The following GPATCH8 variants were observed in gnomAD, a reference collection of about 807,000 sequenced individuals.
GPATCH8 encodes the protein G-patch domain containing 8.
GPATCH8 carries 18 observed loss-of-function variants against 118.3 expected under a neutral mutation model. The observed-to-expected ratio is 0.15, with a 90% CI of 0.11 to 0.23. The LOEUF is 0.23. Among genes scored for constraint, GPATCH8 ranks in the 10% least tolerant of loss-of-function variants. The probability of loss-of-function intolerance (pLI) is 1.00; values close to 1 mark genes in which losing one functional copy is unlikely to be tolerated. For missense variants in GPATCH8, 1,631 were observed against 1,873.8 expected, an observed-to-expected ratio of 0.87 and a Z score of 2.39; for synonymous variants, 659 against 684.7, an observed-to-expected ratio of 0.96 and a Z score of 0.59.
chr17:44,457,499 A>C (rs1228766731), intron 3 of GPATCH8, among the ~76,000 whole-genome samples: 2 of 152,352 alleles, frequency 1.3e-5, no homozygotes, highest in East Asian at 3.9e-4. Context: ...AACAAGCAAA[A>C]CTTTGAAAAA....
chr17:44,450,492 T>C (rs2051072895), intron 3 of GPATCH8, among the ~76,000 whole-genome samples: 1 of 152,170 alleles, frequency 6.6e-6, no homozygotes, highest in Non-Finnish European at 1.5e-5. Context: ...AAATGGGATT[T>C]ACAAGAAAAC....
At chr17:44,438,768 G>A (rs2050594520) in intron 3 of GPATCH8, 1 of 152,538 alleles carries the variant, frequency 6.6e-6, no homozygotes, top group African/African-American at 2.4e-5. Context: ...GTAGGAAACA[G>A]GCCTTCTAGC....
At chr17:44,436,426 GTAT>G in intron 4 of GPATCH8, 49 bp downstream of exon 4, 3 of 819,532 alleles carry the variant, frequency 3.7e-6, no homozygotes, top group Admixed American at 3.4e-5. Flanking sequence ...TTTGGAATTA[GTAT>G]TATTTCAAAA....
At chr17:44,471,224 T>C (rs1282441051) in intron 2 of GPATCH8, among the ~76,000 whole-genome samples, 1 of 152,230 alleles carries the variant, frequency 6.6e-6, no homozygotes, top group Non-Finnish European at 1.5e-5. Flanking sequence ...GCTTTACAAA[T>C]ACTGGATTTT....
chr17:44,449,922 C>A (rs2051053726), intron 3 of GPATCH8, among the ~76,000 whole-genome samples: 1 of 152,216 alleles, frequency 6.6e-6, no homozygotes, highest in African/African-American at 2.4e-5. Flanking sequence ...GTAAAGGTAG[C>A]TCCTATCCTT....
At chr17:44,475,039 T>C (rs1967628737) in intron 1 of GPATCH8, 136 bp from the exon 2 acceptor site, 1 of 656,802 alleles carries the variant, frequency 1.5e-6, no homozygotes, top group African/African-American at 1.8e-5. Context: ...TCGTTCATTT[T>C]CAGTACACAA....
At position 44,397,831 on chromosome 17, in the gene GPATCH8, T is replaced by C; in HGVS notation, c.4246A>G (p.Ile1416Val). 2 of 1,587,200 alleles carry C rather than the reference T, an allele frequency of 1.3e-6. No individual in the cohort carries two copies. The highest frequency in any genetic ancestry group is 8.6e-7 in the Non-Finnish European group (1 of 1,164,106). ...HHIPQPHLTP[I>V]SLSHLTHSII... ...GAGTGAGTGAGGTGGGACAAAGAAA[T>C]GGGGGTCAGATGGGGCTGGGGAATA... Residue 1416 changes from isoleucine (I) to valine (V), a missense_variant, in exon 8 of 8, where the codon ATT becomes GTT. Ile to Val is a conservative substitution (Grantham distance 29, BLOSUM62 3). Around this residue, in one of 8 missense-constraint regions of GPATCH8, gnomAD observed 111 missense variants for 112.4 expected, o/e 0.99. Transcript: ENST00000591680.
chr17:44,426,846 A>T (rs1336745002), intron 5 of GPATCH8, among the ~76,000 whole-genome samples: 8 of 145,752 alleles, frequency 5.5e-5, no homozygotes, highest in African/African-American at 1.8e-4. Flanking sequence ...ACACACACAC[A>T]CACTCTCTCT....
Position 44,442,156 on chromosome 17 carries a change from AAG to A in GPATCH8, c.194-5613_194-5612del, listed in dbSNP as rs555553118. On this transcript the variant is annotated intron_variant, in intron 3 of 7. Coordinates refer to ENST00000591680, the MANE Select transcript of GPATCH8 (RefSeq NM_001002909.4). ...AGAGAGAGAGAGAAGGAGAGAGAGA[AAG>A]AGAGTTTCTACTATATTCAAGGCAC... Among the ~76,000 whole-genome samples, 860 of 146,066 alleles carry A rather than the reference AAG, an allele frequency of 5.9e-3. 4 individuals carry two copies. Among genetic ancestry groups the A allele is most frequent in the Non-Finnish European group, 9.6e-3 (636 of 66,554 alleles).
chr17:44,398,377 G>A lies in GPATCH8; in HGVS notation c.3700C>T (p.Pro1234Ser). 6.2e-7 allele frequency: 1 copy of A among 1,614,038 alleles called. No individual in the cohort carries two copies. Among genetic ancestry groups the A allele is most frequent in the Non-Finnish European group, 8.5e-7 (1 of 1,179,930 alleles). Residue 1234 changes from proline to serine, a missense_variant, in exon 8 of 8, where the codon CCT becomes TCT. Transcript: ENST00000591680. The part of the protein sequence containing the change: ...LGTPAHSDCY[P>S]GDPTISHNYL... ...TTATGGGAGATGGTTGGGTCCCCAG[G>A]GTAGCAGTCAGAATGTGCTGGGGTG...
chr17:44,413,098 C>T (rs190533020), intron 6 of GPATCH8, among the ~76,000 whole-genome samples: 1 of 152,266 alleles, frequency 6.6e-6, no homozygotes, highest in Admixed American at 6.5e-5. Flanking sequence ...GGGAAAGCCA[C>T]GTTACTGAAC....
At chr17:44,408,233 G>A (rs1238621514) in intron 6 of GPATCH8, among the ~76,000 whole-genome samples, 1 of 95,166 alleles carries the variant, frequency 1.1e-5, no homozygotes, top group Non-Finnish European at 2.4e-5. Flanking sequence ...GCCCAGGCTG[G>A]AGTGCAGTGG....
At chr17:44,456,456 T>C (rs1258650792) in intron 3 of GPATCH8, among the ~76,000 whole-genome samples, 2 of 152,152 alleles carry the variant, frequency 1.3e-5, no homozygotes, top group Non-Finnish European at 2.9e-5. Flanking sequence ...AATTTAACAA[T>C]AAAGCCTAAA....
Position 44,396,616 on chromosome 17 carries a change from A to T in GPATCH8, c.*952T>A, listed in dbSNP as rs528669072. On this transcript the variant is annotated 3_prime_UTR_variant, in exon 8 of 8. Coordinates refer to ENST00000591680, the MANE Select transcript of GPATCH8 (RefSeq NM_001002909.4). ...ATAACCTTTAGAGTTTCTTAATTCA[A>T]CTAGGGCAAACATATTTACACAAAG... The T allele has an allele frequency of 2.3e-6, 1 of 442,606 alleles. No individual in the cohort carries two copies. The highest frequency in any genetic ancestry group is 7.0e-5 in the East Asian group (1 of 14,376). 27.4% of individuals were successfully genotyped at this position (442,606 alleles called of 1,614,324 possible).
Position 44,397,955 on chromosome 17 carries a change from A to G in GPATCH8, c.4122T>C (p.Thr1374=), listed in dbSNP as rs752322047. ...PATASATSIT[T]VQHAILQHHA... Reference sequence around the variant, plus strand: ...GATGTTGTAGGATGGCATGCTGAACAGTTGTGATGGAGGTGGCAGAGGCTG... The same window carrying G: ...GATGTTGTAGGATGGCATGCTGAACGGTTGTGATGGAGGTGGCAGAGGCTG... The change falls in exon 8 of 8, where the codon ACT becomes ACC. Residue 1374 remains threonine (T), a synonymous_variant. Coordinates refer to ENST00000591680, the MANE Select transcript of GPATCH8 (RefSeq NM_001002909.4). 2.5e-6 allele frequency: 4 copies of G among 1,613,932 alleles called. No homozygotes were observed. In the South Asian group the frequency reaches 3.3e-5, roughly 13 times the overall value.
Position 44,395,379 on chromosome 17 carries a change from C to T in GPATCH8, c.*2189G>A, listed in dbSNP as rs1167513288. 4.4e-6 allele frequency: 2 copies of T among 452,072 alleles called. No individual in the cohort carries two copies. Among genetic ancestry groups the T allele is most frequent in the Non-Finnish European group, 8.8e-6 (2 of 226,160 alleles). 28.0% of individuals were successfully genotyped at this position (452,072 alleles called of 1,614,324 possible). A position where few individuals can be genotyped will look rare whatever the true frequency, so the allele number is the denominator to read the frequency against. ...ATAAAGTTAAATACAATCTGTTATG[C>T]TTGTAAGTAAGGTTTATTTTTATTT... On this transcript the variant is annotated 3_prime_UTR_variant, in exon 8 of 8. Coordinates refer to ENST00000591680, the MANE Select transcript of GPATCH8 (RefSeq NM_001002909.4).
intron 2 of GPATCH8, chr17:44,474,443 C>A: frequency 7.8e-6 from 2 of 257,570 alleles, no homozygotes; most frequent in Non-Finnish European, 1.5e-5. Context: ...CATACATATT[C>A]TACTTATGTA....
chr17:44,439,229 G>T (rs2050611130), intron 3 of GPATCH8, among the ~76,000 whole-genome samples: 1 of 152,120 alleles, frequency 6.6e-6, no homozygotes, highest in African/African-American at 2.4e-5. Flanking sequence ...AATAATCTTA[G>T]ATCTTCAGTG....
chr17:44,429,680 AC>A (rs1256726134), intron 5 of GPATCH8, among the ~76,000 whole-genome samples: 307 of 150,980 alleles, frequency 2.0e-3, no homozygotes, highest in African/African-American at 7.2e-3. Context: ...ACACACACAC[AC>A]ACACAAAACA....
Sources: allele counts gnomAD v4.1 joint callset (sites outside exome capture counted in the v4.1 genomes callset), GRCh38; gene constraint gnomAD v4.1.1; regional missense constraint gnomAD v4.1.1; transcripts MANE v1.5; gene names NCBI Gene and HGNC (gene_info 2026-07-23, HGNC 2026-07-21).